The following ST6GAL1 variants were observed in gnomAD, a reference collection of about 807,000 sequenced individuals.
The protein encoded by ST6GAL1 is beta-galactoside alpha-2,6-sialyltransferase 1.
In ST6GAL1, 20 loss-of-function variants were observed where a neutral mutation model predicts 38.0. The observed-to-expected ratio is 0.53, with a 90% CI of 0.37 to 0.77. The LOEUF (loss-of-function observed/expected upper bound fraction) is 0.77. Ranked by LOEUF, ST6GAL1 falls within the 30% of genes least tolerant of loss-of-function variation. ST6GAL1 has a pLI of 0.00. For synonymous variants in ST6GAL1, 196 were observed against 188.2 expected, an observed-to-expected ratio of 1.04 and a Z score of -0.34; for missense variants, 432 against 496.4, an observed-to-expected ratio of 0.87 and a Z score of 1.23.
intron 2 of ST6GAL1, among the ~76,000 whole-genome samples, chr3:187,014,199 G>A (rs1009110481): frequency 2.6e-5 from 4 of 152,198 alleles, no homozygotes; most frequent in African/African-American, 9.7e-5. Flanking sequence ...CTGAGACCCC[G>A]ACTGTCATGT....
intron 3 of ST6GAL1, among the ~76,000 whole-genome samples, chr3:187,039,330 CA>C (rs1488222632): frequency 3.3e-5 from 5 of 152,174 alleles, no homozygotes; most frequent in African/African-American, 4.8e-5. Context: ...ACAATTGCAT[CA>C]GTTCAATAAT....
At chr3:186,950,837 A>G (rs1249838916) in intron 1 of ST6GAL1, among the ~76,000 whole-genome samples, 2 of 152,244 alleles carry the variant, frequency 1.3e-5, no homozygotes, top group Non-Finnish European at 2.9e-5. Context: ...TGAGATAAAA[A>G]CAGGATTTTA....
At chr3:187,013,080 A>G (rs1449963490) in intron 2 of ST6GAL1, among the ~76,000 whole-genome samples, 1 of 152,244 alleles carries the variant, frequency 6.6e-6, no homozygotes, top group Non-Finnish European at 1.5e-5. Flanking sequence ...TGTACCAGTC[A>G]CGAAGACTTC....
At chr3:187,021,813 T>G (rs1304394779) in intron 2 of ST6GAL1, 1 of 149,202 alleles carries the variant, frequency 6.7e-6, no homozygotes, top group African/African-American at 2.5e-5. Context: ...AATGCTGACG[T>G]CAAGGAAGCT....
intron 1 of ST6GAL1, among the ~76,000 whole-genome samples, chr3:186,949,481 C>G (rs887339094): frequency 1.3e-5 from 2 of 151,998 alleles, no homozygotes; most frequent in Non-Finnish European, 2.9e-5. Flanking sequence ...TTTTGCTTTT[C>G]ACAATGAACA....
chr3:187,042,567 A>C, intron 3 of ST6GAL1, 87 bp from the exon 4 acceptor site: 1 of 1,277,374 alleles, frequency 7.8e-7, no homozygotes, highest in Non-Finnish European at 1.1e-6. Context: ...CCTCATTTCA[A>C]ATCTATTGCT....
chr3:186,937,906 C>T (rs1261049209), intron 1 of ST6GAL1, among the ~76,000 whole-genome samples: 1 of 152,040 alleles, frequency 6.6e-6, no homozygotes, highest in Non-Finnish European at 1.5e-5. Flanking sequence ...AACCCTGTCT[C>T]TACCAAAAAT....
chr3:187,042,428 G>A (rs2108579955), intron 3 of ST6GAL1, among the ~76,000 whole-genome samples: 1 of 152,134 alleles, frequency 6.6e-6, no homozygotes, highest in South Asian at 2.1e-4. Context: ...AGAAGGGAGT[G>A]GAAGAGTGGA....
At chr3:187,065,249 C>T (rs1240041761) in intron 5 of ST6GAL1, among the ~76,000 whole-genome samples, 1 of 152,168 alleles carries the variant, frequency 6.6e-6, no homozygotes, top group Non-Finnish European at 1.5e-5. Flanking sequence ...ATCCACCTGC[C>T]TCAGCCTCCC....
chr3:187,067,004 GAC>G (rs1719170497), intron 5 of ST6GAL1, among the ~76,000 whole-genome samples: 1 of 151,036 alleles, frequency 6.6e-6, no homozygotes, highest in South Asian at 2.1e-4. Context: ...GAGTGAGTTA[GAC>G]ACAGAGCAGG....
chr3:187,015,990 A>G (rs1717103633), intron 2 of ST6GAL1, among the ~76,000 whole-genome samples: 1 of 152,252 alleles, frequency 6.6e-6, no homozygotes, highest in Non-Finnish European at 1.5e-5. Context: ...ATAACACGGT[A>G]CCGGCTTTGG....
chr3:186,948,527 T>TAG (rs1560138399), intron 1 of ST6GAL1, among the ~76,000 whole-genome samples: 3 of 112,524 alleles, frequency 2.7e-5, no homozygotes, highest in African/African-American at 7.0e-5. Context: ...TCAGAAACTC[T>TAG]AGTGTGTGTG....
chr3:186,955,735 T>C (rs982679616), intron 1 of ST6GAL1, among the ~76,000 whole-genome samples: 5 of 152,084 alleles, frequency 3.3e-5, no homozygotes, highest in African/African-American at 1.2e-4. Flanking sequence ...TCTCTTGACC[T>C]TGTGATCCAC....
At chr3:186,948,563 G>GTGTGTC (rs1714465171) in intron 1 of ST6GAL1, 1 of 152,742 alleles carries the variant, frequency 6.5e-6, no homozygotes, top group African/African-American at 2.4e-5. Flanking sequence ...GTGTGTGTGT[G>GTGTGTC]TGTGTGTCTG....
chr3:186,995,538 TAAAG>T (rs1716373617), intron 2 of ST6GAL1, among the ~76,000 whole-genome samples: 1 of 130,372 alleles, frequency 7.7e-6, no homozygotes, highest in African/African-American at 3.0e-5. Flanking sequence ...AAAAAAAAAA[TAAAG>T]AAATTGTTAA....
intron 5 of ST6GAL1, among the ~76,000 whole-genome samples, chr3:187,066,560 A>T (rs2108599110): frequency 6.6e-6 from 1 of 152,024 alleles, no homozygotes; most frequent in African/African-American, 2.4e-5. Flanking sequence ...AAAAAAGTCC[A>T]AAATATGCAC....
At chr3:186,933,331 GT>G (rs1371823500) in intron 1 of ST6GAL1, among the ~76,000 whole-genome samples, 1 of 152,148 alleles carries the variant, frequency 6.6e-6, no homozygotes, top group East Asian at 1.9e-4. Flanking sequence ...CCAACCCGGT[GT>G]CCCCTCTCTG....
intron 4 of ST6GAL1, among the ~76,000 whole-genome samples, chr3:187,047,055 C>T (rs1718322077): frequency 6.6e-6 from 1 of 152,172 alleles, no homozygotes; most frequent in African/African-American, 2.4e-5. Flanking sequence ...ATGCCATTCT[C>T]CTGCCTCAGC....
intron 1 of ST6GAL1, among the ~76,000 whole-genome samples, chr3:186,934,718 G>T (rs1362183648): frequency 1.3e-5 from 2 of 151,934 alleles, no homozygotes; most frequent in East Asian, 1.9e-4. Context: ...CTCTTGGCAG[G>T]CTTGAGTGCT....
Sources: gnomAD v4.1 joint callset for allele counts (sites outside exome capture counted in the v4.1 genomes callset) on GRCh38, gnomAD v4.1.1 for gene constraint, MANE v1.5 for transcripts, NCBI Gene and HGNC (gene_info 2026-07-23, HGNC 2026-07-21) for gene names.